The following GALNTL6 variants were observed in gnomAD, a reference collection of about 807,000 sequenced individuals.
GALNTL6 encodes polypeptide N-acetylgalactosaminyltransferase-like 6.
Under a neutral mutation model 73.7 loss-of-function variants are expected in GALNTL6, and 46 were observed. That is an observed-to-expected ratio of 0.62 (90% CI 0.49 to 0.80). The LOEUF (loss-of-function observed/expected upper bound fraction) is 0.80, where lower values mean the gene tolerates loss of function less well. GALNTL6 is among the 30% of genes least tolerant of loss of function. The pLI is 0.00. For missense variants in GALNTL6, 604 were observed against 755.0 expected (o/e 0.80, Z 2.34); for synonymous variants, 259 against 263.7 (o/e 0.98, Z 0.17).
At chr4:172,539,126 C>T (rs566688555) in intron 5 of GALNTL6, among the ~76,000 whole-genome samples, 2 of 152,288 alleles carry the variant, frequency 1.3e-5, no homozygotes, top group East Asian at 3.9e-4. Context: ...GCCTGGGAAT[C>T]TCCAACTAGG....
chr4:172,851,743 CA>C (rs1201436856), intron 7 of GALNTL6, among the ~76,000 whole-genome samples: 1 of 152,114 alleles, frequency 6.6e-6, no homozygotes, highest in African/African-American at 2.4e-5. Context: ...TCCAAAAGGG[CA>C]AAGCATATTC....
At chr4:172,604,445 A>C (rs1738184695) in intron 5 of GALNTL6, among the ~76,000 whole-genome samples, 1 of 152,194 alleles carries the variant, frequency 6.6e-6, no homozygotes, top group Admixed American at 6.6e-5. Context: ...TAATGGAACA[A>C]ACTTCATAAT....
chr4:172,363,200 C>T (rs912896280), intron 5 of GALNTL6, among the ~76,000 whole-genome samples: 1 of 152,066 alleles, frequency 6.6e-6, no homozygotes, highest in African/African-American at 2.4e-5. Context: ...ATTTATCACC[C>T]CTGTGTTTTA....
At chr4:172,719,142 T>G (rs928922734) in intron 5 of GALNTL6, among the ~76,000 whole-genome samples, 1 of 152,208 alleles carries the variant, frequency 6.6e-6, no homozygotes, top group African/African-American at 2.4e-5. Context: ...TGAGCACAGC[T>G]TAGAAAAGAA....
intron 5 of GALNTL6, among the ~76,000 whole-genome samples, chr4:172,424,631 C>G (rs1731163381): frequency 1.3e-5 from 2 of 152,110 alleles, no homozygotes; most frequent in Admixed American, 1.3e-4. Context: ...TGCAGTTATT[C>G]ATGGACCAGG....
At chr4:172,001,717 A>G (rs1352525793) in intron 2 of GALNTL6, among the ~76,000 whole-genome samples, 4 of 152,048 alleles carry the variant, frequency 2.6e-5, no homozygotes, top group Admixed American at 6.6e-5. Flanking sequence ...TGGGCATTCA[A>G]GCTCCTCTCT....
intron 5 of GALNTL6, among the ~76,000 whole-genome samples, chr4:172,793,293 A>T (rs539595486): frequency 6.6e-6 from 1 of 152,286 alleles, no homozygotes; most frequent in South Asian, 2.1e-4. Flanking sequence ...AAAAATAGGG[A>T]TTTGATCTAG....
rs377220601 is a variant in GALNTL6 at position 172,416,766 on chromosome 4, T to C, written c.553+68077T>C. On this transcript the variant is annotated intron_variant, in intron 5 of 12. Coordinates refer to ENST00000506823, the MANE Select transcript of GALNTL6 (RefSeq NM_001034845.3). ...TTAAAAGTAGAGATGATTATAGTCA[T>C]GTAAATGTGGTTTAAAAAGTAGCTG... Among the ~76,000 whole-genome samples the C allele has an allele frequency of 2.6e-5, 4 of 152,292 alleles. No homozygotes were observed. The South Asian group carries it at 6.2e-4, about 24-fold the overall frequency.
At chr4:172,734,709 C>T (rs1049226786) in intron 5 of GALNTL6, among the ~76,000 whole-genome samples, 5 of 152,112 alleles carry the variant, frequency 3.3e-5, no homozygotes, top group East Asian at 3.9e-4. Flanking sequence ...ATGGTGCAAG[C>T]TGTCAATGGA....
intron 2 of GALNTL6, among the ~76,000 whole-genome samples, chr4:172,056,576 AT>A (rs1196234669): frequency 6.6e-6 from 1 of 152,086 alleles, no homozygotes; most frequent in Non-Finnish European, 1.5e-5. Context: ...TTGTATCAAT[AT>A]TTATTTCCTT....
At chr4:172,455,476 G>A (rs1002361638) in intron 5 of GALNTL6, among the ~76,000 whole-genome samples, 2 of 152,132 alleles carry the variant, frequency 1.3e-5, no homozygotes, top group African/African-American at 2.4e-5. Context: ...TTCTTGCTGC[G>A]AGCACAGCAG....
chr4:171,982,522 T>A (rs1445234315), intron 2 of GALNTL6, among the ~76,000 whole-genome samples: 1 of 151,980 alleles, frequency 6.6e-6, no homozygotes, highest in Non-Finnish European at 1.5e-5. Context: ...ATGGTCTTGA[T>A]CTCCTGACCT....
At chr4:172,070,225 C>A (rs2110901029) in intron 2 of GALNTL6, among the ~76,000 whole-genome samples, 1 of 110,340 alleles carries the variant, frequency 9.1e-6, no homozygotes, top group South Asian at 2.6e-4. Flanking sequence ...ATTGGCATTT[C>A]AGATTTGGGA....
intron 2 of GALNTL6, among the ~76,000 whole-genome samples, chr4:171,844,952 C>G (rs1735333103): frequency 6.6e-6 from 1 of 152,114 alleles, no homozygotes; most frequent in Non-Finnish European, 1.5e-5. Context: ...GCCAGCCTAT[C>G]TGCAGGTTTG....
At chr4:172,659,249 G>A (rs979306911) in intron 5 of GALNTL6, among the ~76,000 whole-genome samples, 4 of 151,826 alleles carry the variant, frequency 2.6e-5, no homozygotes, top group African/African-American at 9.7e-5. Flanking sequence ...AAATTTTTAT[G>A]TATGCTCTGT....
At chr4:172,538,413 T>C (rs950176582) in intron 5 of GALNTL6, among the ~76,000 whole-genome samples, 3 of 152,048 alleles carry the variant, frequency 2.0e-5, no homozygotes, top group African/African-American at 7.2e-5. Context: ...AGAGCCAAGA[T>C]TGCGCCACTG....
At chr4:172,871,758 T>TG (rs1405436733) in intron 7 of GALNTL6, among the ~76,000 whole-genome samples, 2 of 88,846 alleles carry the variant, frequency 2.3e-5, no homozygotes, top group African/African-American at 9.3e-5. Context: ...TTAGCATAGT[T>TG]TTTTGTTTGT....
chr4:171,877,401 A>G (rs762853623), intron 2 of GALNTL6, among the ~76,000 whole-genome samples: 1 of 152,206 alleles, frequency 6.6e-6, no homozygotes, highest in Non-Finnish European at 1.5e-5. Flanking sequence ...ATTTTAAACC[A>G]TAAATCAGCT....
At chr4:172,970,063 G>A (rs1327473815) in intron 10 of GALNTL6, among the ~76,000 whole-genome samples, 3 of 152,166 alleles carry the variant, frequency 2.0e-5, no homozygotes, top group African/African-American at 4.8e-5. Context: ...CAAAAGGGGA[G>A]GGTGTGTACG....
Sources: gnomAD v4.1 joint callset for allele counts (sites outside exome capture counted in the v4.1 genomes callset) on GRCh38, gnomAD v4.1.1 for gene constraint, MANE v1.5 for transcripts, NCBI Gene and HGNC (gene_info 2026-07-23, HGNC 2026-07-21) for gene names.